NBAS: variants seen among roughly 807,000 people sequenced by gnomAD.
NBAS encodes NBAS subunit of NRZ tethering complex.
Under a neutral mutation model 302.5 loss-of-function variants are expected in NBAS, and 219 were observed. That is an observed-to-expected ratio of 0.72 (90% confidence interval 0.65 to 0.81). The LOEUF (loss-of-function observed/expected upper bound fraction) is 0.81, where lower values mean the gene tolerates loss of function less well. Ranked by LOEUF, NBAS falls within the 30% of genes least tolerant of loss-of-function variation. The probability of loss-of-function intolerance (pLI) is 0.00; values close to 1 mark genes in which losing one functional copy is unlikely to be tolerated. For missense variants in NBAS, 2,932 were observed against 2,841.6 expected, an observed-to-expected ratio of 1.03 and a Z score of -0.72; for synonymous variants, 1,118 against 1,021.6, an observed-to-expected ratio of 1.09 and a Z score of -1.80.
At chr2:15,081,801 G>A in the NBAS span, among the ~76,000 whole-genome samples, 1 of 152,186 alleles carries the variant, frequency 6.6e-6, no homozygotes, top group African/African-American at 2.4e-5. Flanking sequence ...AGCCCCAGTT[G>A]TTTGACACTT....
chr2:15,522,682 T>C (rs1427078728), intron 9 of NBAS, among the ~76,000 whole-genome samples: 2 of 152,206 alleles, frequency 1.3e-5, no homozygotes, highest in Non-Finnish European at 2.9e-5. Flanking sequence ...TGAGAATTAA[T>C]AACCAAGTTT....
At chr2:14,949,637 A>C in the NBAS span, among the ~76,000 whole-genome samples, 1 of 152,204 alleles carries the variant, frequency 6.6e-6, no homozygotes. Flanking sequence ...ACGGATAAAG[A>C]AAATGTGATA....
At chr2:15,219,379 T>TTGC (rs534300570) in intron 47 of NBAS, among the ~76,000 whole-genome samples, 120 of 146,116 alleles carry the variant, frequency 8.2e-4, no homozygotes, top group African/African-American at 2.8e-3. Context: ...CAGAGGGGGA[T>TTGC]TTGGCAGGGT....
At chr2:14,951,440 A>G in the NBAS span, among the ~76,000 whole-genome samples, 1 of 152,164 alleles carries the variant, frequency 6.6e-6, no homozygotes, top group South Asian at 2.1e-4. Flanking sequence ...AAGTCATGAT[A>G]GATCAATTAC....
At chr2:15,344,946 T>C (rs1673021366) in intron 35 of NBAS, among the ~76,000 whole-genome samples, 1 of 152,160 alleles carries the variant, frequency 6.6e-6, no homozygotes, top group Admixed American at 6.5e-5. Context: ...AAAAGGCCTT[T>C]GATAAAATTC....
At chr2:14,872,231 A>G in the NBAS span, among the ~76,000 whole-genome samples, 1 of 152,166 alleles carries the variant, frequency 6.6e-6, no homozygotes, top group Non-Finnish European at 1.5e-5. Context: ...ACTTTAAAAG[A>G]CATAAAACTG....
chr2:14,946,307 C>T, the NBAS span, among the ~76,000 whole-genome samples: 1 of 151,918 alleles, frequency 6.6e-6, no homozygotes, highest in Non-Finnish European at 1.5e-5. Flanking sequence ...AGACCAAGTA[C>T]AAAGAGATGA....
the NBAS span, among the ~76,000 whole-genome samples, chr2:14,915,063 G>A: frequency 2.6e-5 from 4 of 152,232 alleles, no homozygotes; most frequent in African/African-American, 4.8e-5. Context: ...CCACATGGAC[G>A]TGGGTTGGAA....
the NBAS span, among the ~76,000 whole-genome samples, chr2:15,070,904 A>G: frequency 6.6e-6 from 1 of 152,210 alleles, no homozygotes; most frequent in Non-Finnish European, 1.5e-5. Context: ...TACATGGGCC[A>G]TGACATGCTT....
chr2:14,829,729 A>C, the NBAS span, among the ~76,000 whole-genome samples: 1 of 152,210 alleles, frequency 6.6e-6, no homozygotes, highest in Admixed American at 6.5e-5. Context: ...CTGAGCTGGC[A>C]CAACTCCCTC....
the NBAS span, among the ~76,000 whole-genome samples, chr2:14,816,300 A>T: frequency 6.6e-6 from 1 of 152,208 alleles, no homozygotes; most frequent in Non-Finnish European, 1.5e-5. Flanking sequence ...GCGGCATTAG[A>T]GTCTCATAGG....
At chr2:14,958,154 C>T in the NBAS span, among the ~76,000 whole-genome samples, 1 of 152,132 alleles carries the variant, frequency 6.6e-6, no homozygotes, top group Admixed American at 6.5e-5. Flanking sequence ...TTGTGATTGC[C>T]CCAGAGTCCC....
At chr2:14,833,106 T>C in the NBAS span, among the ~76,000 whole-genome samples, 1 of 152,206 alleles carries the variant, frequency 6.6e-6, no homozygotes, top group Non-Finnish European at 1.5e-5. Flanking sequence ...TCTTTAAGAC[T>C]GTAGGAACTT....
At chr2:15,248,943 C>T (rs1334501637) in intron 44 of NBAS, among the ~76,000 whole-genome samples, 1 of 152,116 alleles carries the variant, frequency 6.6e-6, no homozygotes, top group African/African-American at 2.4e-5. Context: ...GTGAATCCTC[C>T]CTAACTCATT....
the NBAS span, among the ~76,000 whole-genome samples, chr2:14,995,013 G>T: frequency 1.3e-5 from 2 of 151,962 alleles, no homozygotes; most frequent in African/African-American, 4.8e-5. Flanking sequence ...ACCTCTCAGA[G>T]ATTCTGATTA....
At chr2:15,140,093 A>G in the NBAS span, among the ~76,000 whole-genome samples, 2 of 152,200 alleles carry the variant, frequency 1.3e-5, no homozygotes, top group African/African-American at 4.8e-5. Flanking sequence ...CTCTTGGAAC[A>G]CAACCACCAT....
In NBAS at chr2:15,261,336, G is replaced by A. The variant is rs536923470; in HGVS notation, c.5724+14148C>T. 1.7e-4 allele frequency among the ~76,000 whole-genome samples: 26 copies of A among 152,120 alleles called. No individual in the cohort carries two copies. The South Asian group carries it at 2.9e-3, about 17-fold the overall frequency. ...TAAATCGTATAGAATATGATGAAAC[G>A]GTATTTTAAATATTACGCAAATGAA... On this transcript the variant is annotated intron_variant, in intron 44 of 51. Transcript: ENST00000281513.
the NBAS span, among the ~76,000 whole-genome samples, chr2:14,819,648 A>C: frequency 9.8e-5 from 15 of 152,340 alleles, no homozygotes; most frequent in African/African-American, 3.1e-4. Flanking sequence ...CTGAATAAAG[A>C]GTGTTTACTA....
At chr2:15,282,897 G>A (rs1256029821) in intron 42 of NBAS, among the ~76,000 whole-genome samples, 7 of 152,060 alleles carry the variant, frequency 4.6e-5, no homozygotes, top group Non-Finnish European at 8.8e-5. Flanking sequence ...CTGATGGCCT[G>A]GAATGCCCTT....
Sources: gnomAD v4.1 joint callset for allele counts (sites outside exome capture counted in the v4.1 genomes callset) on GRCh38, gnomAD v4.1.1 for gene constraint, MANE v1.5 for transcripts, NCBI Gene and HGNC (gene_info 2026-07-23, HGNC 2026-07-21) for gene names.